Variants in RASGRF2 observed in about 807,000 individuals in gnomAD.
RASGRF2 encodes the protein ras-specific guanine nucleotide-releasing factor 2.
RASGRF2 carries 76 observed loss-of-function variants against 151.0 expected under a neutral mutation model. The observed-to-expected ratio is 0.50, with a 90% CI of 0.42 to 0.61. The LOEUF is 0.61. Ranked by LOEUF, RASGRF2 falls within the 20% of genes least tolerant of loss-of-function variation. The probability of loss-of-function intolerance (pLI) is 0.00; values close to 1 mark genes in which losing one functional copy is unlikely to be tolerated. For synonymous variants in RASGRF2, 504 were observed against 566.5 expected, an observed-to-expected ratio of 0.89 and a Z score of 1.57; for missense variants, 1,148 against 1,564.6, an observed-to-expected ratio of 0.73 and a Z score of 4.49.
chr5:81,172,562 C>T (rs527354111), intron 17 of RASGRF2, among the ~76,000 whole-genome samples: 2 of 152,062 alleles, frequency 1.3e-5, no homozygotes, highest in South Asian at 2.1e-4. Flanking sequence ...TAAGAACACA[C>T]TTATAGAAAG....
intron 18 of RASGRF2, among the ~76,000 whole-genome samples, chr5:81,185,968 G>A (rs1439009112): frequency 2.6e-5 from 4 of 152,228 alleles, no homozygotes; most frequent in African/African-American, 9.6e-5. Flanking sequence ...GGACTGGCAA[G>A]AAGCAGTAAT....
intron 18 of RASGRF2, among the ~76,000 whole-genome samples, chr5:81,199,399 T>C (rs1755337420): frequency 6.6e-6 from 1 of 152,198 alleles, no homozygotes; most frequent in Admixed American, 6.5e-5. Context: ...ATGATGTTGG[T>C]TTCTTCCATC....
chr5:81,203,606 C>T (rs1176309155), intron 19 of RASGRF2, among the ~76,000 whole-genome samples: 1 of 152,202 alleles, frequency 6.6e-6, no homozygotes, highest in East Asian at 1.9e-4. Flanking sequence ...CTTGAAACTA[C>T]AACACTGAGC....
At position 81,087,005 on chromosome 5, in the gene RASGRF2, A is replaced by G. The variant is rs772259821; in HGVS notation, c.1390+52A>G. On this transcript the variant is annotated intron_variant, in intron 9 of 26. Transcript: ENST00000265080. ...ACCTGATGCGCTGTGCGGCTGTCAC[A>G]TGATCTCGGCACACCCCGGAAGGCG... 2.7e-6 allele frequency: 4 copies of G among 1,490,994 alleles called. No homozygotes were observed. In the South Asian group the frequency reaches 3.4e-5, roughly 13 times the overall value. The allele number at this position is 1,490,994 out of a possible 1,614,324, so 92.4% of individuals were successfully genotyped here.
At chr5:81,198,773 A>G (rs1374124073) in intron 18 of RASGRF2, among the ~76,000 whole-genome samples, 1 of 152,178 alleles carries the variant, frequency 6.6e-6, no homozygotes, top group Non-Finnish European at 1.5e-5. Flanking sequence ...ATAGTATTCC[A>G]TGGTGTATGT....
At chr5:81,008,985 T>G (rs1238199841) in intron 1 of RASGRF2, among the ~76,000 whole-genome samples, 2 of 152,212 alleles carry the variant, frequency 1.3e-5, no homozygotes, top group African/African-American at 2.4e-5. Context: ...GGACTCATGA[T>G]CTGGTTGGCT....
intron 1 of RASGRF2, among the ~76,000 whole-genome samples, chr5:80,967,520 G>T (rs2112208659): frequency 6.6e-6 from 1 of 152,272 alleles, no homozygotes; most frequent in South Asian, 2.1e-4. Flanking sequence ...ACATTGTGAA[G>T]ACCTGTGGTG....
intron 1 of RASGRF2, among the ~76,000 whole-genome samples, chr5:81,040,280 A>T (rs978518603): frequency 6.6e-6 from 1 of 152,190 alleles, no homozygotes; most frequent in African/African-American, 2.4e-5. Flanking sequence ...AAGTGGTGCG[A>T]TTACAGGTGT....
At chr5:80,999,765 C>A (rs1379211768) in intron 1 of RASGRF2, among the ~76,000 whole-genome samples, 1 of 152,138 alleles carries the variant, frequency 6.6e-6, no homozygotes, top group Non-Finnish European at 1.5e-5. Flanking sequence ...TAATGAAGAG[C>A]TTTCTGCGTT....
Position 80,966,664 on chromosome 5 carries a change from T to TTTG in RASGRF2, c.288+5657_288+5659dup, listed in dbSNP as rs377170720. On this transcript the variant is annotated intron_variant, in intron 1 of 26. Transcript: ENST00000265080. ...ATATTTAGAAAAAAACAGTAGCAGG[T>TTTG]TTGTTGTTGTTGTTGTTGTTGCAGA... Among the ~76,000 whole-genome samples the TTTG allele has an allele frequency of 3.5e-3, 533 of 151,956 alleles. 3 individuals carry two copies. The highest frequency in any genetic ancestry group is 0.012 in the African/African-American group (482 of 41,452).
intron 2 of RASGRF2, among the ~76,000 whole-genome samples, chr5:81,045,404 C>A (rs985797997): frequency 6.6e-6 from 1 of 152,074 alleles, no homozygotes; most frequent in Non-Finnish European, 1.5e-5. Context: ...AGTAAGAAAT[C>A]TTTTTTTCTG....
At chr5:81,015,628 AT>A (rs140931274) in intron 1 of RASGRF2, among the ~76,000 whole-genome samples, 1,707 of 151,774 alleles carry the variant, frequency 0.011, 45 homozygotes, top group African/African-American at 0.039. Flanking sequence ...TTTCCTATTG[AT>A]TTTGAAAACC....
intron 1 of RASGRF2, among the ~76,000 whole-genome samples, chr5:80,973,037 A>G (rs1747991040): frequency 6.6e-6 from 1 of 152,160 alleles, no homozygotes; most frequent in African/African-American, 2.4e-5. Context: ...AATGAACAGA[A>G]GTTCTAAACT....
intron 17 of RASGRF2, among the ~76,000 whole-genome samples, chr5:81,158,823 T>C (rs1754318673): frequency 6.6e-6 from 1 of 152,214 alleles, no homozygotes; most frequent in South Asian, 2.1e-4. Flanking sequence ...GGAACCCTCA[T>C]ACATTACTGG....
chr5:81,073,597 C>A, intron 5 of RASGRF2, 145 bp downstream of exon 5: 1 of 806,370 alleles, frequency 1.2e-6, no homozygotes, highest in Non-Finnish European at 1.7e-6. Flanking sequence ...TACTTGTGTT[C>A]CATTGTTATT....
intron 17 of RASGRF2, among the ~76,000 whole-genome samples, chr5:81,167,961 C>G (rs1483622199): frequency 1.3e-5 from 2 of 152,160 alleles, no homozygotes; most frequent in Admixed American, 1.3e-4. Flanking sequence ...GCCTTTTACC[C>G]TTTACCGCCT....
chr5:80,985,142 G>T (rs1748435551), intron 1 of RASGRF2, among the ~76,000 whole-genome samples: 1 of 152,076 alleles, frequency 6.6e-6, no homozygotes, highest in Admixed American at 6.5e-5. Context: ...AGCCTGGGAT[G>T]CGGAGATTGC....
chr5:81,102,991 T>C (rs1284299270), intron 12 of RASGRF2, among the ~76,000 whole-genome samples: 2 of 151,854 alleles, frequency 1.3e-5, no homozygotes, highest in Admixed American at 6.6e-5. Flanking sequence ...GAACCTGAAG[T>C]AATAGGGTGA....
intron 2 of RASGRF2, among the ~76,000 whole-genome samples, chr5:81,049,947 C>T (rs1750959573): frequency 6.6e-6 from 1 of 152,160 alleles, no homozygotes; most frequent in South Asian, 2.1e-4. Flanking sequence ...TTACTTGATA[C>T]TAAGCAAGAC....
Sources: allele counts gnomAD v4.1 joint callset (sites outside exome capture counted in the v4.1 genomes callset), GRCh38; gene constraint gnomAD v4.1.1; transcripts MANE v1.5; gene names NCBI Gene and HGNC (gene_info 2026-07-23, HGNC 2026-07-21).